MATN2: variants seen among roughly 807,000 people sequenced by gnomAD.
The protein encoded by MATN2 is matrilin 2.
A neutral mutation model predicts 103.2 loss-of-function variants in MATN2; 69 were observed. The observed-to-expected ratio is 0.67, with a 90% CI of 0.55 to 0.82. The LOEUF (loss-of-function observed/expected upper bound fraction) is 0.82. Ranked by LOEUF, MATN2 falls within the 40% of genes least tolerant of loss-of-function variation. The pLI is 0.00. For synonymous variants in MATN2, 429 were observed against 450.2 expected (o/e 0.95, Z 0.60); for missense variants, 1,023 against 1,211.5 (o/e 0.84, Z 2.31).
intron 3 of MATN2, among the ~76,000 whole-genome samples, chr8:97,934,502 A>C (rs1810309299): frequency 6.6e-6 from 1 of 152,236 alleles, no homozygotes; most frequent in Admixed American, 6.5e-5. Flanking sequence ...AGGTTTGGGA[A>C]GTCTCATTTG....
In MATN2 at chr8:98,027,586, A is replaced by G; in HGVS notation, c.2113A>G (p.Thr705Ala). The change falls in exon 14 of 19, where the codon ACA (threonine) becomes GCA (alanine). Residue 705 changes from threonine to alanine, a missense_variant. Physicochemically the swap from Thr to Ala is moderately conservative, Grantham distance 58 (BLOSUM62 0). Transcript: ENST00000254898. Reference sequence around the variant, plus strand: ...GCTCCAGTATTCCACACAGGTCCACACAGAGTTCACTCTGAGAAACTTCAA... The same window carrying G: ...GCTCCAGTATTCCACACAGGTCCACGCAGAGTTCACTCTGAGAAACTTCAA... ...GLLQYSTQVHTEFTLRNFNSA... is the reference protein window; with the variant it reads ...GLLQYSTQVHAEFTLRNFNSA... 1.2e-6 allele frequency: 2 copies of G among 1,613,906 alleles called. No homozygotes were observed. Among genetic ancestry groups the G allele is most frequent in the Non-Finnish European group, 1.7e-6 (2 of 1,179,848 alleles).
At chr8:97,903,719 T>C (rs1586396333) in intron 2 of MATN2, among the ~76,000 whole-genome samples, 1 of 152,196 alleles carries the variant, frequency 6.6e-6, no homozygotes, top group East Asian at 1.9e-4. Flanking sequence ...GTTTTGGGTC[T>C]ATTTTGGGGT....
intron 1 of MATN2, 126 bp from the exon 2 acceptor site, chr8:97,887,949 C>G: frequency 2.4e-6 from 2 of 843,618 alleles, no homozygotes; most frequent in Non-Finnish European, 3.5e-6. Flanking sequence ...AACACACAAA[C>G]GGCATTTTGA....
At chr8:97,948,802 G>C (rs1810837693) in intron 4 of MATN2, among the ~76,000 whole-genome samples, 1 of 152,108 alleles carries the variant, frequency 6.6e-6, no homozygotes. Context: ...GATGACCTCA[G>C]GTTGGCAAAG....
At chr8:97,905,184 C>T (rs796878677) in intron 2 of MATN2, among the ~76,000 whole-genome samples, 1 of 152,058 alleles carries the variant, frequency 6.6e-6, no homozygotes, top group Admixed American at 6.6e-5. Context: ...AAATAATTGG[C>T]CTCCTTTCTA....
chr8:97,910,048 G>T (rs565239144), intron 2 of MATN2, among the ~76,000 whole-genome samples: 1 of 151,608 alleles, frequency 6.6e-6, no homozygotes, highest in African/African-American at 2.4e-5. Context: ...CTCCCAAAGT[G>T]CTGGGATTAC....
Position 97,994,508 on chromosome 8 carries a change from CG to C in MATN2, c.1112del (p.Gly371AspfsTer18). 1 of 1,612,744 alleles carries C rather than the reference CG, an allele frequency of 6.2e-7. No homozygotes were observed. Among genetic ancestry groups the C allele is most frequent in the South Asian group, 1.1e-5 (1 of 90,830 alleles). ...KIDYCASSNH[G>X]CQHECVNTDD... is the part of the protein sequence containing the mutation. ...TAGACTACTGTGCCTCATCTAATCA[CG>C]GATGTCAGCACGAGTGTGTTAACAC... On this transcript the variant is annotated frameshift_variant, in exon 7 of 19. Transcript: ENST00000254898. LOFTEE classifies it high-confidence loss of function.
At chr8:98,027,357 A>C (rs1813843960) in intron 13 of MATN2, 59 bp from the exon 14 acceptor site, 1 of 1,432,512 alleles carries the variant, frequency 7.0e-7, no homozygotes, top group Non-Finnish European at 9.5e-7. Flanking sequence ...ATTTTATTCT[A>C]CTCTTGTGCA....
chr8:97,968,724 T>C (rs777444735), intron 5 of MATN2, among the ~76,000 whole-genome samples: 1 of 152,238 alleles, frequency 6.6e-6, no homozygotes, highest in Non-Finnish European at 1.5e-5. Flanking sequence ...TCTATTAGCA[T>C]TTTGGTCACA....
intron 13 of MATN2, among the ~76,000 whole-genome samples, chr8:98,021,654 A>C (rs931464610): frequency 1.3e-5 from 2 of 151,504 alleles, no homozygotes; most frequent in Admixed American, 1.3e-4. Context: ...TTTAGGAAAA[A>C]AGAGATGGAT....
At chr8:97,975,734 C>T (rs1239322157) in intron 5 of MATN2, among the ~76,000 whole-genome samples, 1 of 152,148 alleles carries the variant, frequency 6.6e-6, no homozygotes, top group Non-Finnish European at 1.5e-5. Flanking sequence ...GAATCAAGCC[C>T]AGCATGAGGA....
In MATN2 at chr8:97,928,050, C is replaced by T. The variant is rs574697510; in HGVS notation, c.143-2903C>T. Among the ~76,000 whole-genome samples the T allele has an allele frequency of 2.0e-5, 3 of 152,248 alleles. No homozygotes were observed. The South Asian group carries it at 6.2e-4, about 32-fold the overall frequency. ...ACACTCTCCCTGCAGTAAGTTCAGA[C>T]ATGAAGGGTCGGGCAGGTGTGGCTC... On this transcript the variant is annotated intron_variant, in intron 2 of 18. Transcript: ENST00000254898.
chr8:98,006,053 C>T (rs1450286683), intron 8 of MATN2, among the ~76,000 whole-genome samples: 1 of 152,202 alleles, frequency 6.6e-6, no homozygotes, highest in Non-Finnish European at 1.5e-5. Flanking sequence ...GCATTTTCTC[C>T]ATAAGGGAAA....
At chr8:97,898,597 CAAAAAAAA>C (rs1272617710) in intron 2 of MATN2, among the ~76,000 whole-genome samples, 1 of 92,204 alleles carries the variant, frequency 1.1e-5, no homozygotes, top group African/African-American at 4.0e-5. Flanking sequence ...AACTCCTTCT[CAAAAAAAA>C]AAAAAAAAAA....
chr8:97,939,284 G>T (rs562067140), intron 3 of MATN2, among the ~76,000 whole-genome samples: 12 of 152,238 alleles, frequency 7.9e-5, no homozygotes, highest in Admixed American at 5.2e-4. Flanking sequence ...TCCCTGTAAG[G>T]CACATCGCAG....
At chr8:98,011,463 G>C (rs766781888) in intron 10 of MATN2, among the ~76,000 whole-genome samples, 4 of 152,186 alleles carry the variant, frequency 2.6e-5, no homozygotes, top group South Asian at 2.1e-4. Flanking sequence ...CTCCAAGCTG[G>C]CCCTGGTCGG....
At position 98,007,321 on chromosome 8, in the gene MATN2, C is replaced by G. The variant is rs1813007685; in HGVS notation, c.1450+94C>G. 1.9e-6 allele frequency: 3 copies of G among 1,575,174 alleles called. No individual in the cohort carries two copies. The Admixed American group carries it at 5.1e-5, about 27-fold the overall frequency. ...GGGCACAGGTTGTACTTGGGCACCC[C>G]TCCCCTGCCCCTTGCTCTGCTCCAG... On this transcript the variant is annotated intron_variant, in intron 9 of 18. Coordinates refer to ENST00000254898, the MANE Select transcript of MATN2 (RefSeq NM_002380.5). The surrounding 1 kb of genome is among the most constrained non-coding windows in gnomAD (Gnocchi z 4.2).
Position 98,035,702 on chromosome 8 carries a change from G to T in MATN2, c.2861G>T (p.Arg954Ile), listed in dbSNP as rs1814219625. ...QRMEALENRL[R>I]YR The stretch of plus-strand genomic sequence containing the variant: ...ATGGAAGCCCTGGAAAATCGCCTGA[G>T]ATACAGATGAAGATTAGAAATCGCG... Residue 954 changes from arginine to isoleucine, a missense_variant, in exon 19 of 19, where the codon AGA becomes ATA. Transcript: ENST00000254898. The T allele has an allele frequency of 1.3e-6, 2 of 1,598,018 alleles. No individual in the cohort carries two copies. The highest frequency in any genetic ancestry group is 1.7e-4 in the Middle Eastern group (1 of 5,996).
intron 2 of MATN2, 68 bp from the exon 3 acceptor site, chr8:97,930,885 G>C: frequency 9.2e-7 from 1 of 1,091,594 alleles, no homozygotes; most frequent in South Asian, 1.6e-5. Context: ...CAAAGTGCTG[G>C]GATTACAGGT....
Sources: gnomAD v4.1 joint callset for allele counts (sites outside exome capture counted in the v4.1 genomes callset) on GRCh38, gnomAD v4.1.1 for gene constraint, Gnocchi (gnomAD v3.1) non-coding constraint, MANE v1.5 for transcripts, NCBI Gene and HGNC (gene_info 2026-07-23, HGNC 2026-07-21) for gene names.